The following GRID2 variants were observed in gnomAD, a reference collection of about 807,000 sequenced individuals.
The protein encoded by GRID2 is glutamate ionotropic receptor delta type subunit 2, also known as glutamate receptor ionotropic, delta-2.
GRID2 carries 33 observed loss-of-function variants against 114.8 expected under a neutral mutation model. The observed-to-expected ratio is 0.29, with a 90% CI of 0.22 to 0.38. GRID2 has a LOEUF of 0.38. Ranked by LOEUF, GRID2 falls within the 10% of genes least tolerant of loss-of-function variation. The pLI, the probability that GRID2 is intolerant of heterozygous loss-of-function variation, is 1.00. For synonymous variants in GRID2, 505 were observed against 449.9 expected, an observed-to-expected ratio of 1.12 and a Z score of -1.55; for missense variants, 1,184 against 1,257.7, an observed-to-expected ratio of 0.94 and a Z score of 0.89.
chr4:92,966,833 T>A (rs1753188868), intron 2 of GRID2, among the ~76,000 whole-genome samples: 1 of 151,992 alleles, frequency 6.6e-6, no homozygotes, highest in Admixed American at 6.6e-5. Flanking sequence ...GCTCTGTGTG[T>A]CTTTCTCTTT....
intron 4 of GRID2, among the ~76,000 whole-genome samples, chr4:93,193,789 C>T (rs924647219): frequency 3.3e-5 from 5 of 152,042 alleles, no homozygotes; most frequent in Non-Finnish European, 5.9e-5. Flanking sequence ...AGATTTAAAA[C>T]GGGTATATGC....
At chr4:93,682,619 A>C (rs1725675936) in intron 14 of GRID2, among the ~76,000 whole-genome samples, 1 of 152,150 alleles carries the variant, frequency 6.6e-6, no homozygotes, top group African/African-American at 2.4e-5. Context: ...TGATGAGTTC[A>C]TGTCCTTTGT....
intron 2 of GRID2, among the ~76,000 whole-genome samples, chr4:92,754,174 C>T (rs1335193459): frequency 6.6e-6 from 1 of 152,176 alleles, no homozygotes; most frequent in East Asian, 1.9e-4. Context: ...TCTGAAAAGA[C>T]TAATGTAAAC....
chr4:93,561,893 T>C (rs887074223), intron 13 of GRID2, among the ~76,000 whole-genome samples: 3 of 152,182 alleles, frequency 2.0e-5, no homozygotes, highest in African/African-American at 7.2e-5. Context: ...TGTTCCATTA[T>C]CTGGATGTAC....
chr4:93,013,169 ATCAGGTCTTCATT>A (rs1722353806), intron 2 of GRID2, among the ~76,000 whole-genome samples: 1 of 152,036 alleles, frequency 6.6e-6, no homozygotes, highest in Non-Finnish European at 1.5e-5. Flanking sequence ...ACAATCTAAG[ATCAGGTCTTCATT>A]TCACAGTGGT....
At position 92,702,899 on chromosome 4, in the gene GRID2, C is replaced by T. The variant is rs146411662; in HGVS notation, c.244+112613C>T. On this transcript the variant is annotated intron_variant, in intron 2 of 15. Transcript: ENST00000282020. ...AAATTCAAGTACTCTCCCATAAGTG[C>T]TTATCTATAAAATAGTAATGGCTGT... Among the ~76,000 whole-genome samples the T allele has an allele frequency of 2.7e-3, 412 of 152,128 alleles. 3 individuals carry two copies. The highest frequency in any genetic ancestry group is 9.6e-3 in the African/African-American group (398 of 41,498).
At chr4:93,365,144 C>T (rs1762220126) in intron 8 of GRID2, among the ~76,000 whole-genome samples, 1 of 152,070 alleles carries the variant, frequency 6.6e-6, no homozygotes, top group Non-Finnish European at 1.5e-5. Context: ...TTATTGAATG[C>T]AGCCAGAATT....
chr4:92,843,895 T>C (rs534575048), intron 2 of GRID2, among the ~76,000 whole-genome samples: 1 of 152,170 alleles, frequency 6.6e-6, no homozygotes, highest in East Asian at 1.9e-4. Context: ...GCTCTTTGAA[T>C]GCATATTTAC....
intron 1 of GRID2, among the ~76,000 whole-genome samples, chr4:92,527,634 C>T (rs1725108932): frequency 6.6e-6 from 1 of 152,004 alleles, no homozygotes. Context: ...ATCAGAATCA[C>T]TATGGCAAAG....
chr4:92,622,880 CT>C (rs1389043697), intron 2 of GRID2, among the ~76,000 whole-genome samples: 2 of 151,644 alleles, frequency 1.3e-5, no homozygotes, highest in Non-Finnish European at 3.0e-5. Flanking sequence ...ATTGGAAAGT[CT>C]ATGTGAATTA....
At chr4:92,832,271 C>T (rs1742156684) in intron 2 of GRID2, among the ~76,000 whole-genome samples, 1 of 151,972 alleles carries the variant, frequency 6.6e-6, no homozygotes, top group African/African-American at 2.4e-5. Context: ...GAAACACGAT[C>T]TTTACTAAAA....
At chr4:93,340,295 G>A (rs1407582763) in intron 8 of GRID2, among the ~76,000 whole-genome samples, 3 of 142,482 alleles carry the variant, frequency 2.1e-5, no homozygotes, top group African/African-American at 5.4e-5. Context: ...TCCTAAATTG[G>A]CCCACTATGC....
At chr4:92,339,834 T>C (rs1727383549) in intron 1 of GRID2, among the ~76,000 whole-genome samples, 1 of 152,216 alleles carries the variant, frequency 6.6e-6, no homozygotes, top group Non-Finnish European at 1.5e-5. Context: ...TGCCAAGTTA[T>C]TCTACATGAG....
At chr4:92,972,053 A>G (rs1004735279) in intron 2 of GRID2, among the ~76,000 whole-genome samples, 2 of 152,126 alleles carry the variant, frequency 1.3e-5, no homozygotes, top group Admixed American at 6.6e-5. Context: ...ATAAATACCC[A>G]ATAGTAGTGG....
intron 2 of GRID2, among the ~76,000 whole-genome samples, chr4:92,690,529 C>T (rs543258667): frequency 1.3e-5 from 2 of 152,246 alleles, no homozygotes; most frequent in East Asian, 3.9e-4. Flanking sequence ...CAAAATGTGA[C>T]ACAGTCATGA....
chr4:92,829,359 G>A (rs978351153), intron 2 of GRID2, among the ~76,000 whole-genome samples: 5 of 152,102 alleles, frequency 3.3e-5, no homozygotes, highest in Admixed American at 6.6e-5. Context: ...CTGGTCATTG[G>A]AGAAATGCAA....
intron 14 of GRID2, among the ~76,000 whole-genome samples, chr4:93,678,714 G>C (rs1725183861): frequency 6.6e-6 from 1 of 151,502 alleles, no homozygotes; most frequent in Non-Finnish European, 1.5e-5. Flanking sequence ...ATACTTTACA[G>C]ACAAGCAAGT....
intron 2 of GRID2, among the ~76,000 whole-genome samples, chr4:92,955,992 C>A (rs1752380222): frequency 6.6e-6 from 1 of 152,048 alleles, no homozygotes; most frequent in Non-Finnish European, 1.5e-5. Flanking sequence ...GTGCTGGGAT[C>A]ACAGGCATGA....
intron 2 of GRID2, among the ~76,000 whole-genome samples, chr4:92,912,241 A>G (rs1748442017): frequency 6.6e-6 from 1 of 151,884 alleles, no homozygotes; most frequent in Non-Finnish European, 1.5e-5. Flanking sequence ...TTCGTAAAAG[A>G]GAAGGGTATA....
Sources: gnomAD v4.1 joint callset for allele counts (sites outside exome capture counted in the v4.1 genomes callset) on GRCh38, gnomAD v4.1.1 for gene constraint, MANE v1.5 for transcripts, NCBI Gene and HGNC (gene_info 2026-07-23, HGNC 2026-07-21) for gene names.